The following GRAMD1B variants were observed in gnomAD, a reference collection of about 807,000 sequenced individuals.
GRAMD1B encodes GRAM domain containing 1B, also known as protein Aster-B.
In GRAMD1B, 37 loss-of-function variants were observed where a neutral mutation model predicts 99.7. The ratio of observed to expected loss-of-function variants is 0.37; its 90% CI spans 0.29 to 0.49. The LOEUF (loss-of-function observed/expected upper bound fraction) is 0.49, where lower values mean the gene tolerates loss of function less well. GRAMD1B is among the 20% of genes least tolerant of loss of function. The pLI, the probability that GRAMD1B is intolerant of heterozygous loss-of-function variation, is 0.98. For synonymous variants in GRAMD1B, 427 were observed against 387.6 expected, an observed-to-expected ratio of 1.10 and a Z score of -1.19; for missense variants, 888 against 1,009.2, an observed-to-expected ratio of 0.88 and a Z score of 1.63.
At position 123,521,250 on chromosome 11, in the gene GRAMD1B, T is replaced by C. The variant is rs560921832; in HGVS notation, c.452+40357T>C. 1.9e-4 allele frequency among the ~76,000 whole-genome samples: 29 copies of C among 152,372 alleles called. No individual in the cohort carries two copies. In the South Asian group the frequency reaches 5.4e-3, roughly 28 times the overall value. On this transcript the variant is annotated intron_variant, in intron 2 of 19. Transcript: ENST00000635736. ...TTAATTTTTGTCAATGGGATGAGTATGTGATGACATCTCACCAGAGTTCCA... is the reference window on the plus strand; with the variant it reads ...TTAATTTTTGTCAATGGGATGAGTACGTGATGACATCTCACCAGAGTTCCA...
intron 1 of GRAMD1B, among the ~76,000 whole-genome samples, chr11:123,442,174 C>T (rs1227831454): frequency 1.3e-5 from 2 of 152,162 alleles, no homozygotes; most frequent in East Asian, 1.9e-4. Context: ...TGTCAGATTC[C>T]ACAGGTTCAG....
At chr11:123,518,623 A>G (rs1357107315) in intron 2 of GRAMD1B, among the ~76,000 whole-genome samples, 2 of 152,188 alleles carry the variant, frequency 1.3e-5, no homozygotes, top group African/African-American at 4.8e-5. Flanking sequence ...CAATGGCAGT[A>G]CTAGTAGGAA....
In GRAMD1B at chr11:123,605,448, A is replaced by G; in HGVS notation, c.1293A>G (p.Thr431=). Residue 431 remains threonine, a synonymous_variant, in exon 10 of 20, where the codon ACA becomes ACG. Transcript: ENST00000635736. ...PKKSITNSTL[T]STGSSEAPVS... ...AATCCATCACCAACAGCACACTAACATCCACAGGGAGCAGTGAGGCCCCCG... is the reference window on the plus strand; with the variant it reads ...AATCCATCACCAACAGCACACTAACGTCCACAGGGAGCAGTGAGGCCCCCG... 6.2e-7 allele frequency: 1 copy of G among 1,612,694 alleles called. No homozygotes were observed. The highest frequency in any genetic ancestry group is 8.5e-7 in the Non-Finnish European group (1 of 1,179,228).
At chr11:123,401,870 C>G (rs1947674093) in intron 1 of GRAMD1B, among the ~76,000 whole-genome samples, 1 of 152,120 alleles carries the variant, frequency 6.6e-6, no homozygotes, top group Admixed American at 6.6e-5. Flanking sequence ...GGTCTCATCA[C>G]TCACTCCAGC....
At chr11:123,456,173 A>AAAAACAAAAC (rs55637022) in intron 1 of GRAMD1B, among the ~76,000 whole-genome samples, 1 of 151,816 alleles carries the variant, frequency 6.6e-6, no homozygotes, top group Non-Finnish European at 1.5e-5. Context: ...AGACTGTCTC[A>AAAAACAAAAC]AAAACAAAAC....
At chr11:123,576,890 G>C (rs1180751787) in intron 2 of GRAMD1B, among the ~76,000 whole-genome samples, 1 of 152,240 alleles carries the variant, frequency 6.6e-6, no homozygotes, top group Non-Finnish European at 1.5e-5. Flanking sequence ...TAATGCGTAT[G>C]TGAAGGCTGT....
chr11:123,453,665 A>G (rs761130531), intron 1 of GRAMD1B, among the ~76,000 whole-genome samples: 1 of 152,176 alleles, frequency 6.6e-6, no homozygotes, highest in Non-Finnish European at 1.5e-5. Context: ...AGGGCAGGCT[A>G]AGTACTTTTT....
intron 1 of GRAMD1B, among the ~76,000 whole-genome samples, chr11:123,400,129 C>T (rs1010696269): frequency 1.5e-4 from 23 of 152,084 alleles, no homozygotes; most frequent in African/African-American, 5.1e-4. Flanking sequence ...TATATGGTAT[C>T]TGAGTCCATT....
intron 2 of GRAMD1B, among the ~76,000 whole-genome samples, chr11:123,529,998 T>A (rs555629645): frequency 5.3e-4 from 80 of 150,972 alleles, no homozygotes; most frequent in South Asian, 2.3e-3. Context: ...AAAAAAAAGG[T>A]TGAGAGAAAG....
chr11:123,422,943 C>T (rs1948504986), intron 1 of GRAMD1B, among the ~76,000 whole-genome samples: 1 of 89,240 alleles, frequency 1.1e-5, no homozygotes, highest in Non-Finnish European at 2.4e-5. Flanking sequence ...CTGCTCCTTC[C>T]TCCCTTCCCC....
chr11:123,520,969 G>A (rs1347974432), intron 2 of GRAMD1B, among the ~76,000 whole-genome samples: 1 of 152,084 alleles, frequency 6.6e-6, no homozygotes, highest in Non-Finnish European at 1.5e-5. Flanking sequence ...AATAACACGA[G>A]GCATGTATCC....
chr11:123,542,370 C>T (rs1309031638), intron 2 of GRAMD1B, among the ~76,000 whole-genome samples: 3 of 152,228 alleles, frequency 2.0e-5, no homozygotes, highest in South Asian at 2.1e-4. Flanking sequence ...AGGAAGGAAA[C>T]GTCATGGGAT....
chr11:123,453,315 A>AAT, intron 1 of GRAMD1B, among the ~76,000 whole-genome samples: 1 of 151,878 alleles, frequency 6.6e-6, no homozygotes, highest in East Asian at 1.9e-4. Flanking sequence ...TGTATATGCA[A>AAT]GTATATATAT....
chr11:123,512,796 A>C (rs1941170793), intron 2 of GRAMD1B, among the ~76,000 whole-genome samples: 1 of 147,500 alleles, frequency 6.8e-6, no homozygotes, highest in African/African-American at 2.5e-5. Context: ...TGAACCATTC[A>C]GGGCTCTGAA....
chr11:123,593,067 A>G (rs1950855491), intron 4 of GRAMD1B, among the ~76,000 whole-genome samples: 1 of 152,108 alleles, frequency 6.6e-6, no homozygotes. Context: ...CCCCATCTCT[A>G]GTAAAAATAC....
rs769527838 is a variant in GRAMD1B at position 123,613,662 on chromosome 11, T to C, written c.2227+4T>C. On this transcript the variant is annotated splice_donor_region_variant and intron_variant, in intron 16 of 19. Transcript: ENST00000635736. The stretch of plus-strand genomic sequence containing the variant: ...CACAGGATCAAACATGTGGCAGGTG[T>C]GTGCCAGGTGGGGACAGGTCGGGTG... The C allele has an allele frequency of 7.8e-5, 125 of 1,610,914 alleles. No individual in the cohort carries two copies. The highest frequency in any genetic ancestry group is 1.0e-4 in the Non-Finnish European group (122 of 1,178,342).
chr11:123,520,791 AAAG>A (rs1463268940), intron 2 of GRAMD1B, among the ~76,000 whole-genome samples: 38 of 150,232 alleles, frequency 2.5e-4, no homozygotes, highest in African/African-American at 6.6e-4. Flanking sequence ...AAAAAAAAAA[AAAG>A]AAAGAAAGAA....
intron 2 of GRAMD1B, among the ~76,000 whole-genome samples, chr11:123,517,941 T>A (rs1221335835): frequency 1.3e-5 from 2 of 152,180 alleles, no homozygotes; most frequent in Admixed American, 1.3e-4. Flanking sequence ...ATAAGCACCC[T>A]CCTGGGTCCC....
intron 2 of GRAMD1B, among the ~76,000 whole-genome samples, chr11:123,555,789 A>G (rs981774825): frequency 4.6e-5 from 7 of 152,092 alleles, no homozygotes; most frequent in Admixed American, 1.3e-4. Flanking sequence ...GCTGGAGCAC[A>G]ATGGCACGAT....
Sources: allele counts gnomAD v4.1 joint callset (sites outside exome capture counted in the v4.1 genomes callset), GRCh38; gene constraint gnomAD v4.1.1; transcripts MANE v1.5; gene names NCBI Gene and HGNC (gene_info 2026-07-23, HGNC 2026-07-21).